Variants in RGS21 observed in about 807,000 individuals in gnomAD.
RGS21 encodes regulator of G protein signaling 21.
A neutral mutation model predicts 18.7 loss-of-function variants in RGS21; 19 were observed. The ratio of observed to expected loss-of-function variants is 1.01; its 90% CI spans 0.71 to 1.49. RGS21 has a LOEUF of 1.49. Among genes scored for constraint, RGS21 ranks in the 40% most tolerant of loss-of-function variants. RGS21 has a pLI of 0.00. For synonymous variants in RGS21, 56 were observed against 57.8 expected, an observed-to-expected ratio of 0.97 and a Z score of 0.14; for missense variants, 194 against 176.8, an observed-to-expected ratio of 1.10 and a Z score of -0.55.
intron 1 of RGS21, among the ~76,000 whole-genome samples, chr1:192,317,630 A>C (rs1658439044): frequency 6.6e-6 from 1 of 151,982 alleles, no homozygotes; most frequent in African/African-American, 2.4e-5. Context: ...AAAGCACATT[A>C]AATATAATAT....
intron 1 of RGS21, among the ~76,000 whole-genome samples, chr1:192,328,798 A>T (rs1450917467): frequency 6.6e-6 from 1 of 152,148 alleles, no homozygotes; most frequent in African/African-American, 2.4e-5. Context: ...AAGGAGAAAT[A>T]ACCCTTAAGT....
In RGS21 at chr1:192,342,730, T is replaced by C. The variant is rs527255667; in HGVS notation, c.-60-247T>C. The stretch of plus-strand genomic sequence containing the variant: ...GAACAATAGTTGTCTTGCAAACAGA[T>C]GAATATGAACTTCAGAAAAAACTTT... On this transcript the variant is annotated intron_variant, in intron 1 of 4. Coordinates refer to ENST00000417209, the MANE Select transcript of RGS21 (RefSeq NM_001039152.3). Among the ~76,000 whole-genome samples the C allele has an allele frequency of 1.4e-3, 213 of 152,100 alleles. 1 individual carries two copies. Among genetic ancestry groups the C allele is most frequent in the African/African-American group, 4.7e-3 (196 of 41,532 alleles).
Position 192,352,064 on chromosome 1 carries a change from C to T in RGS21, c.106C>T (p.Arg36Ter), listed in dbSNP as rs756519710. The T allele has an allele frequency of 1.7e-5, 27 of 1,596,294 alleles. No homozygotes were observed. The highest frequency in any genetic ancestry group is 1.1e-4 in the Admixed American group (6 of 56,194). The change falls in exon 4 of 5, where the codon CGA becomes TGA. Residue 36 changes from arginine (R) to a stop codon, truncating the protein, a stop_gained. Transcript: ENST00000417209. LOFTEE classifies it high-confidence loss of function. ...LANQAGLDAF[R>*]IFLKSEFSEE... ...TTTTATAGCTGGTCTAGATGCTTTTCGAATATTTCTAAAATCAGAGTTTAG... is the reference window on the plus strand; with the variant it reads ...TTTTATAGCTGGTCTAGATGCTTTTTGAATATTTCTAAAATCAGAGTTTAG...
chr1:192,361,521 A>C (rs1437227899), intron 4 of RGS21, among the ~76,000 whole-genome samples: 2 of 152,088 alleles, frequency 1.3e-5, no homozygotes, highest in East Asian at 3.9e-4. Flanking sequence ...TTGCATTCAA[A>C]TCTGTTTAAA....
chr1:192,326,331 T>A (rs888210792), intron 1 of RGS21, among the ~76,000 whole-genome samples: 2 of 152,072 alleles, frequency 1.3e-5, no homozygotes, highest in Non-Finnish European at 2.9e-5. Context: ...GAAGCCAAAT[T>A]AGACTCTCTT....
intron 3 of RGS21, among the ~76,000 whole-genome samples, chr1:192,351,704 A>C (rs767632695): frequency 2.0e-5 from 3 of 148,008 alleles, no homozygotes; most frequent in Non-Finnish European, 3.0e-5. Flanking sequence ...TATATGCTAT[A>C]TATAGCATAT....
At chr1:192,353,288 G>A (rs1048157722) in intron 4 of RGS21, among the ~76,000 whole-genome samples, 5 of 151,896 alleles carry the variant, frequency 3.3e-5, no homozygotes, top group Admixed American at 3.3e-4. Flanking sequence ...TATTAGTCTA[G>A]TATAGCATTA....
At chr1:192,333,175 A>T (rs1658685078) in intron 1 of RGS21, among the ~76,000 whole-genome samples, 1 of 151,878 alleles carries the variant, frequency 6.6e-6, no homozygotes, top group South Asian at 2.1e-4. Context: ...ACAAAACAAA[A>T]ATCTCATTAG....
At chr1:192,342,003 G>A (rs1036293405) in intron 1 of RGS21, among the ~76,000 whole-genome samples, 4 of 151,908 alleles carry the variant, frequency 2.6e-5, no homozygotes, top group South Asian at 2.1e-4. Flanking sequence ...ATGATACACC[G>A]ACTTTTTAGG....
At chr1:192,325,890 T>A (rs1571448733) in intron 1 of RGS21, among the ~76,000 whole-genome samples, 1 of 152,120 alleles carries the variant, frequency 6.6e-6, no homozygotes, top group East Asian at 1.9e-4. Context: ...TTTTAAATCA[T>A]CTTGTGATAC....
At chr1:192,329,398 C>G (rs1194336423) in intron 1 of RGS21, among the ~76,000 whole-genome samples, 2 of 151,990 alleles carry the variant, frequency 1.3e-5, no homozygotes, top group Non-Finnish European at 2.9e-5. Context: ...CCTACCAAAG[C>G]TACATTTTTT....
At chr1:192,358,168 G>A (rs1274911543) in intron 4 of RGS21, among the ~76,000 whole-genome samples, 1 of 151,928 alleles carries the variant, frequency 6.6e-6, no homozygotes, top group Non-Finnish European at 1.5e-5. Context: ...GAAGCATCTG[G>A]TTTCTATTCA....
At chr1:192,358,473 A>G (rs1317658707) in intron 4 of RGS21, among the ~76,000 whole-genome samples, 2 of 152,050 alleles carry the variant, frequency 1.3e-5, no homozygotes, top group African/African-American at 4.8e-5. Flanking sequence ...GTGGTGATTA[A>G]AAGAATTAGG....
rs373406529 is a variant in RGS21 at position 192,365,907 on chromosome 1, C to A, written c.256-14C>A. ...TTAAACTAATTCAATGATATGCAACCTTATTTTCCACAGATTAACATTGAC... is the reference window on the plus strand; with the variant it reads ...TTAAACTAATTCAATGATATGCAACATTATTTTCCACAGATTAACATTGAC... On this transcript the variant is annotated splice_polypyrimidine_tract_variant and intron_variant, in intron 4 of 4. Coordinates refer to ENST00000417209, the MANE Select transcript of RGS21 (RefSeq NM_001039152.3). The A allele has an allele frequency of 1.3e-6, 2 of 1,483,936 alleles. No homozygotes were observed. The highest frequency in any genetic ancestry group is 9.4e-7 in the Non-Finnish European group (1 of 1,066,240). The allele number at this position is 1,483,936 out of a possible 1,614,324, so 91.9% of individuals were successfully genotyped here. A position where few individuals can be genotyped will look rare whatever the true frequency, so the allele number is the denominator to read the frequency against.
intron 1 of RGS21, among the ~76,000 whole-genome samples, 152 bp downstream of exon 1, chr1:192,317,257 A>G (rs1477943607): frequency 6.6e-6 from 1 of 151,930 alleles, no homozygotes; most frequent in Non-Finnish European, 1.5e-5. Context: ...TTTACTAGCT[A>G]TTCATTTGGT....
intron 4 of RGS21, among the ~76,000 whole-genome samples, chr1:192,354,494 G>A (rs923555937): frequency 3.3e-5 from 5 of 151,696 alleles, no homozygotes; most frequent in African/African-American, 7.2e-5. Context: ...ACTTGGGGAT[G>A]AGGTTGGATA....
intron 1 of RGS21, among the ~76,000 whole-genome samples, chr1:192,317,750 A>G (rs1201992996): frequency 6.6e-6 from 1 of 152,044 alleles, no homozygotes; most frequent in Non-Finnish European, 1.5e-5. Context: ...TATTTCAGTT[A>G]GTACTTTCAC....
At chr1:192,354,098 T>G (rs968151421) in intron 4 of RGS21, among the ~76,000 whole-genome samples, 5 of 151,786 alleles carry the variant, frequency 3.3e-5, no homozygotes, top group African/African-American at 1.2e-4. Context: ...AAGGTATTTC[T>G]CTATAGTTCA....
chr1:192,366,376 CA>C lies in RGS21; in HGVS notation c.*256del. The stretch of plus-strand genomic sequence containing the variant: ...ATAGAGATACAATATAGTCTTAAAC[CA>C]AAACTGAATATTCTTATTATATTAT... On this transcript the variant is annotated 3_prime_UTR_variant, in exon 5 of 5. Transcript: ENST00000417209. 1 of 322,280 alleles carries C rather than the reference CA, an allele frequency of 3.1e-6. No individual in the cohort carries two copies. Among genetic ancestry groups the C allele is most frequent in the South Asian group, 4.1e-5 (1 of 24,142 alleles). The allele number at this position is 322,280 out of a possible 1,614,324, so 20.0% of individuals were successfully genotyped here. A position where few individuals can be genotyped will look rare whatever the true frequency, so the allele number is the denominator to read the frequency against.
Sources: gnomAD v4.1 joint callset for allele counts (sites outside exome capture counted in the v4.1 genomes callset) on GRCh38, gnomAD v4.1.1 for gene constraint, MANE v1.5 for transcripts, NCBI Gene and HGNC (gene_info 2026-07-23, HGNC 2026-07-21) for gene names.